The following ITPR1 variants were observed in gnomAD, a reference collection of about 807,000 sequenced individuals.
ITPR1 encodes the protein inositol 1,4,5-trisphosphate receptor type 1.
Under a neutral mutation model 318.4 loss-of-function variants are expected in ITPR1, and 96 were observed. The observed-to-expected ratio is 0.30, with a 90% CI of 0.26 to 0.36. ITPR1 has a LOEUF of 0.36. Ranked by LOEUF, ITPR1 falls within the 10% of genes least tolerant of loss-of-function variation. ITPR1 has a pLI of 1.00. For synonymous variants in ITPR1, 1,312 were observed against 1,289.9 expected, an observed-to-expected ratio of 1.02 and a Z score of -0.37; for missense variants, 2,440 against 3,460.2, an observed-to-expected ratio of 0.71 and a Z score of 7.40.
At chr3:4,583,728 A>T (rs1315779201) in intron 4 of ITPR1, among the ~76,000 whole-genome samples, 1 of 152,076 alleles carries the variant, frequency 6.6e-6, no homozygotes, top group Non-Finnish European at 1.5e-5. Flanking sequence ...TCCCACTTCC[A>T]TCTAGTTCTG....
intron 35 of ITPR1, among the ~76,000 whole-genome samples, chr3:4,701,896 TC>T (rs1559729020): frequency 1.3e-5 from 2 of 152,204 alleles, no homozygotes; most frequent in African/African-American, 2.4e-5. Context: ...ACTTCCTTTC[TC>T]CCCTGACGCT....
chr3:4,842,588 G>A (rs1247951064), intron 61 of ITPR1, among the ~76,000 whole-genome samples: 3 of 152,094 alleles, frequency 2.0e-5, no homozygotes, highest in African/African-American at 7.2e-5. Flanking sequence ...GGCCGGTCTC[G>A]AACTCCTGGC....
intron 5 of ITPR1, among the ~76,000 whole-genome samples, chr3:4,635,955 G>T (rs1477881647): frequency 6.6e-6 from 1 of 151,812 alleles, no homozygotes. Flanking sequence ...CTGCCTCCTG[G>T]GTTCAAGTGA....
intron 4 of ITPR1, among the ~76,000 whole-genome samples, chr3:4,594,362 A>G (rs1305874387): frequency 1.3e-5 from 2 of 152,066 alleles, no homozygotes; most frequent in African/African-American, 4.8e-5. Context: ...ACCTCCTTAC[A>G]GGTTTATCCT....
At chr3:4,665,871 G>C (rs1553682018) in intron 17 of ITPR1, among the ~76,000 whole-genome samples, 1 of 152,134 alleles carries the variant, frequency 6.6e-6, no homozygotes, top group Non-Finnish European at 1.5e-5. Context: ...GAAAACCTGA[G>C]AACTATATTG....
intron 4 of ITPR1, among the ~76,000 whole-genome samples, chr3:4,608,661 C>G (rs1452301841): frequency 6.6e-6 from 1 of 152,002 alleles, no homozygotes; most frequent in Non-Finnish European, 1.5e-5. Flanking sequence ...CAGCATCTTA[C>G]AAGATACAGG....
intron 26 of ITPR1, 136 bp from the exon 27 acceptor site, chr3:4,683,250 C>A (rs2094333309): frequency 1.3e-6 from 1 of 796,816 alleles, no homozygotes; most frequent in Admixed American, 1.8e-5. Flanking sequence ...GTTAAAGGAG[C>A]TAATGAAAAG....
At chr3:4,700,415 T>A (rs926892117) in intron 35 of ITPR1, among the ~76,000 whole-genome samples, 1 of 152,212 alleles carries the variant, frequency 6.6e-6, no homozygotes, top group African/African-American at 2.4e-5. Flanking sequence ...AGTTGCTAAT[T>A]TGTTGAACAA....
intron 39 of ITPR1, among the ~76,000 whole-genome samples, chr3:4,715,577 A>G (rs2041706786): frequency 2.0e-5 from 3 of 152,122 alleles, no homozygotes; most frequent in Non-Finnish European, 4.4e-5. Flanking sequence ...TCATGGCCGG[A>G]TATGGTGGCT....
At chr3:4,725,207 T>C (rs1406904092) in intron 40 of ITPR1, among the ~76,000 whole-genome samples, 1 of 151,904 alleles carries the variant, frequency 6.6e-6, no homozygotes. Context: ...CTCGGTGGAC[T>C]GAGACAAGGA....
At chr3:4,601,175 CTTTTTT>C (rs68165287) in intron 4 of ITPR1, among the ~76,000 whole-genome samples, 1 of 119,752 alleles carries the variant, frequency 8.4e-6, no homozygotes, top group African/African-American at 3.2e-5. Context: ...GAAAAATATT[CTTTTTT>C]TTTTTTTTTT....
intron 4 of ITPR1, among the ~76,000 whole-genome samples, chr3:4,545,509 G>C (rs1057246621): frequency 5.3e-5 from 8 of 151,588 alleles, no homozygotes; most frequent in African/African-American, 1.9e-4. Flanking sequence ...TGTGGTCCCA[G>C]CTACTGAGGA....
intron 30 of ITPR1, 116 bp downstream of exon 30, chr3:4,685,322 G>A (rs1162546720): frequency 1.8e-6 from 2 of 1,086,920 alleles, no homozygotes; most frequent in East Asian, 2.7e-5. Flanking sequence ...TGTGACTATT[G>A]TGACTACAAA....
chr3:4,745,510 G>A (rs1177201624), intron 44 of ITPR1, among the ~76,000 whole-genome samples: 1 of 152,180 alleles, frequency 6.6e-6, no homozygotes, highest in East Asian at 1.9e-4. Flanking sequence ...CTATTTCTGT[G>A]CCTCCTACAA....
In ITPR1 at chr3:4,835,565, AGT is replaced by A. The variant is rs57292347; in HGVS notation, c.8029-1195_8029-1194del. Among the ~76,000 whole-genome samples, 22 of 151,354 alleles carry A rather than the reference AGT, an allele frequency of 1.5e-4. No homozygotes were observed. The East Asian group carries it at 1.9e-3, about 13-fold the overall frequency. On this transcript the variant is annotated intron_variant, in intron 60 of 61. Coordinates refer to ENST00000649015, the MANE Select transcript of ITPR1 (RefSeq NM_001378452.1). The stretch of plus-strand genomic sequence containing the variant: ...CAACAATTATCCAGCATTCCGAGTG[AGT>A]GTGTGTGTGTGTGGGAGGGGGCTTG...
intron 51 of ITPR1, among the ~76,000 whole-genome samples, chr3:4,784,631 A>C (rs1178440153): frequency 6.7e-6 from 1 of 149,576 alleles, no homozygotes; most frequent in Non-Finnish European, 1.5e-5. Flanking sequence ...CTGTAATCCC[A>C]ACACTTTGGG....
Position 4,684,360 on chromosome 3 carries a change from C to G in ITPR1, c.3564+14C>G, listed in dbSNP as rs1251016752. 6.3e-7 allele frequency: 1 copy of G among 1,588,764 alleles called. No individual in the cohort carries two copies. The highest frequency in any genetic ancestry group is 1.7e-5 in the Admixed American group (1 of 59,630). ...GTGGTCAAAGAGGTAAGCTCCTCCC[C>G]CACCACCATTTTTCCTTTCTTTATG... On this transcript the variant is annotated intron_variant, in intron 29 of 61. Coordinates refer to ENST00000649015, the MANE Select transcript of ITPR1 (RefSeq NM_001378452.1).
rs146476230 is a variant in ITPR1 at position 4,521,360 on chromosome 3, G to A, written c.163+266G>A. 5.9e-3 allele frequency among the ~76,000 whole-genome samples: 902 copies of A among 152,216 alleles called. 8 individuals carry two copies. Among genetic ancestry groups the A allele is most frequent in the African/African-American group, 0.02 (817 of 41,536 alleles). ...TAATTCGGTTTAAAGTCTTACATTT[G>A]TACAGGTATTTCTTCAAACAAATAG... On this transcript the variant is annotated intron_variant, in intron 4 of 61. Coordinates refer to ENST00000649015, the MANE Select transcript of ITPR1 (RefSeq NM_001378452.1).
chr3:4,585,760 T>G (rs1389497824), intron 4 of ITPR1, among the ~76,000 whole-genome samples: 1 of 151,146 alleles, frequency 6.6e-6, no homozygotes, highest in Non-Finnish European at 1.5e-5. Flanking sequence ...TTTTTTTAAC[T>G]GTGTAATTCT....
Sources: gnomAD v4.1 joint callset for allele counts (sites outside exome capture counted in the v4.1 genomes callset) on GRCh38, gnomAD v4.1.1 for gene constraint, MANE v1.5 for transcripts, NCBI Gene and HGNC (gene_info 2026-07-23, HGNC 2026-07-21) for gene names.